GRIK4: variants seen among roughly 807,000 people sequenced by gnomAD.
GRIK4 encodes the protein glutamate receptor ionotropic, kainate 4.
Under a neutral mutation model 104.9 loss-of-function variants are expected in GRIK4, and 40 were observed. The ratio of observed to expected loss-of-function variants is 0.38; its 90% CI spans 0.30 to 0.50. The LOEUF (loss-of-function observed/expected upper bound fraction) is 0.50. GRIK4 is among the 20% of genes least tolerant of loss of function. GRIK4 has a pLI of 0.93. For missense variants in GRIK4, 1,047 were observed against 1,308.1 expected (o/e 0.80, Z 3.08); for synonymous variants, 485 against 524.9 (o/e 0.92, Z 1.04).
chr11:120,744,948 A>T (rs1400217676), intron 3 of GRIK4, among the ~76,000 whole-genome samples: 1 of 152,228 alleles, frequency 6.6e-6, no homozygotes, highest in Non-Finnish European at 1.5e-5. Context: ...GGGCTTGGAA[A>T]TTGATAGAAA....
chr11:120,690,085 G>T (rs1950334714), intron 3 of GRIK4, among the ~76,000 whole-genome samples: 1 of 152,182 alleles, frequency 6.6e-6, no homozygotes. Flanking sequence ...CTGTAAAAGT[G>T]ATTTATGGTT....
intron 15 of GRIK4, among the ~76,000 whole-genome samples, chr11:120,954,605 T>C (rs987885664): frequency 6.6e-6 from 1 of 152,008 alleles, no homozygotes; most frequent in African/African-American, 2.4e-5. Flanking sequence ...AGCAGATACA[T>C]ACAAGCCTGC....
intron 11 of GRIK4, among the ~76,000 whole-genome samples, chr11:120,895,675 G>A (rs933094779): frequency 1.3e-5 from 2 of 152,168 alleles, no homozygotes; most frequent in African/African-American, 2.4e-5. Context: ...GTTCAAGCCC[G>A]TGCTACACCT....
chr11:120,598,410 C>T (rs746814764), intron 1 of GRIK4, among the ~76,000 whole-genome samples: 7 of 152,198 alleles, frequency 4.6e-5, no homozygotes, highest in Admixed American at 1.3e-4. Context: ...CTTTCTCCAT[C>T]GGCTCCAGGG....
At chr11:120,722,653 T>A (rs1288778670) in intron 3 of GRIK4, among the ~76,000 whole-genome samples, 2 of 151,786 alleles carry the variant, frequency 1.3e-5, no homozygotes, top group Non-Finnish European at 2.9e-5. Context: ...CAAAGAGACA[T>A]CTTGATGCAG....
At position 120,722,220 on chromosome 11, in the gene GRIK4, G is replaced by T. The variant is rs116351945; in HGVS notation, c.82+61820G>T. ...CTTTAATTAAAATTAAAAATTTCTT[G>T]TGTTTATATATGGCATTCTTCTTTC... is the stretch of plus-strand genomic sequence containing the variant. On this transcript the variant is annotated intron_variant, in intron 3 of 20. Transcript: ENST00000527524. Among the ~76,000 whole-genome samples, 1,086 of 152,300 alleles carry T rather than the reference G, an allele frequency of 7.1e-3. 8 individuals carry two copies. The highest frequency in any genetic ancestry group is 0.02 in the African/African-American group (826 of 41,560).
chr11:120,845,824 T>C (rs1339106565), intron 8 of GRIK4, among the ~76,000 whole-genome samples: 1 of 152,204 alleles, frequency 6.6e-6, no homozygotes, highest in African/African-American at 2.4e-5. Flanking sequence ...CTGCATAATA[T>C]AGTATACTTT....
rs1591324732 is a variant in GRIK4, at chr11:120,953,064, A to G, written c.1700+100A>G. 2 of 750,360 alleles carry G rather than the reference A, an allele frequency of 2.7e-6. No individual in the cohort carries two copies. The highest frequency in any genetic ancestry group is 4.6e-6 in the Non-Finnish European group (2 of 438,038). The allele number at this position is 750,360 out of a possible 1,614,324, so 46.5% of individuals were successfully genotyped here. A position where few individuals can be genotyped will look rare whatever the true frequency, so the allele number is the denominator to read the frequency against. On this transcript the variant is annotated intron_variant, in intron 15 of 20. Coordinates refer to ENST00000527524, the MANE Select transcript of GRIK4 (RefSeq NM_014619.5). The surrounding 1 kb of genome is among the most constrained non-coding windows in gnomAD (Gnocchi z 4.9). ...TGGGGAGGAGGAGAGGGGGAGGAGG[A>G]GTTGGGAAGATCTTGGTGCCAAACT...
At chr11:120,677,345 C>G (rs10790393) in intron 3 of GRIK4, among the ~76,000 whole-genome samples, 5 of 152,050 alleles carry the variant, frequency 3.3e-5, no homozygotes, top group African/African-American at 1.2e-4. Flanking sequence ...AATAACATCC[C>G]GCCACAGTCC....
chr11:120,848,185 T>C (rs999525346), intron 8 of GRIK4, among the ~76,000 whole-genome samples: 2 of 152,098 alleles, frequency 1.3e-5, no homozygotes, highest in African/African-American at 4.8e-5. Flanking sequence ...GCAGGGGATG[T>C]AGTAGGCACA....
rs1953647035 is a variant in GRIK4 at position 120,838,854 on chromosome 11, G to A, written c.744+2010G>A. Among the ~76,000 whole-genome samples the A allele has an allele frequency of 2.6e-5, 4 of 152,168 alleles. No individual in the cohort carries two copies. The South Asian group carries it at 8.3e-4, about 32-fold the overall frequency. Reference sequence around the variant, plus strand: ...GGCTGAAGTGCAGTAGTGCCATCTTGATTCACCTTCCAACCTCTGCCTCCC... The same window carrying A: ...GGCTGAAGTGCAGTAGTGCCATCTTAATTCACCTTCCAACCTCTGCCTCCC... On this transcript the variant is annotated intron_variant, in intron 8 of 20. Coordinates refer to ENST00000527524, the MANE Select transcript of GRIK4 (RefSeq NM_014619.5).
At chr11:120,711,062 G>A (rs1438732403) in intron 3 of GRIK4, among the ~76,000 whole-genome samples, 1 of 151,318 alleles carries the variant, frequency 6.6e-6, no homozygotes, top group African/African-American at 2.4e-5. Context: ...GGGCCATGCA[G>A]GGTGGGCCAT....
At chr11:120,802,583 T>C in intron 3 of GRIK4, 110 bp from the exon 4 acceptor site, 1 of 907,524 alleles carries the variant, frequency 1.1e-6, no homozygotes, top group South Asian at 1.5e-5. Flanking sequence ...GGAGAGGAAC[T>C]TGGGGTGCTG....
At chr11:120,977,081 A>T (rs985915620) in intron 19 of GRIK4, among the ~76,000 whole-genome samples, 51 of 152,194 alleles carry the variant, frequency 3.4e-4, no homozygotes, top group African/African-American at 1.2e-3. Flanking sequence ...GCATTTGTGA[A>T]CTATCATTTT....
rs145595731 is a variant in GRIK4, at chr11:120,853,692, A to G, written c.745-8267A>G. 1.6e-3 allele frequency among the ~76,000 whole-genome samples: 248 copies of G among 152,374 alleles called. 2 individuals are homozygous for G. Among genetic ancestry groups the G allele is most frequent in the African/African-American group, 5.6e-3 (234 of 41,590 alleles). On this transcript the variant is annotated intron_variant, in intron 8 of 20. Transcript: ENST00000527524. ...GAGGGAAGCAGATCCAAGTGGCAAG[A>G]TAAGGAGTTCAAGTTAAAGAGCGAT...
At chr11:120,688,274 T>C (rs1417050863) in intron 3 of GRIK4, among the ~76,000 whole-genome samples, 2 of 152,238 alleles carry the variant, frequency 1.3e-5, no homozygotes, top group African/African-American at 4.8e-5. Flanking sequence ...CTAGCATTTC[T>C]AGTTCTTAGT....
intron 3 of GRIK4, among the ~76,000 whole-genome samples, chr11:120,695,467 G>A (rs1194945471): frequency 6.6e-6 from 1 of 152,230 alleles, no homozygotes; most frequent in Non-Finnish European, 1.5e-5. Context: ...TTTCCATAGA[G>A]GAGTGCCAGA....
At chr11:120,782,123 T>A (rs1194247212) in intron 3 of GRIK4, among the ~76,000 whole-genome samples, 2 of 152,160 alleles carry the variant, frequency 1.3e-5, no homozygotes, top group African/African-American at 4.8e-5. Context: ...TTTGTAGTAC[T>A]TTTTTGCTGC....
intron 7 of GRIK4, among the ~76,000 whole-genome samples, chr11:120,834,913 G>A (rs1331637020): frequency 1.3e-5 from 2 of 152,236 alleles, no homozygotes; most frequent in East Asian, 3.8e-4. Flanking sequence ...GCTGTAAGCA[G>A]CGGGCTCGCT....
Sources: gnomAD v4.1 joint callset for allele counts (sites outside exome capture counted in the v4.1 genomes callset) on GRCh38, gnomAD v4.1.1 for gene constraint, Gnocchi (gnomAD v3.1) non-coding constraint, MANE v1.5 for transcripts, NCBI Gene and HGNC (gene_info 2026-07-23, HGNC 2026-07-21) for gene names.